The following EPB41L1 variants were observed in gnomAD, a reference collection of about 807,000 sequenced individuals.
The protein encoded by EPB41L1 is band 4.1-like protein 1.
In EPB41L1, 29 loss-of-function variants were observed where a neutral mutation model predicts 97.8. That is an observed-to-expected ratio of 0.30 (90% CI 0.22 to 0.40). The LOEUF (loss-of-function observed/expected upper bound fraction) is 0.40, where lower values mean the gene tolerates loss of function less well. EPB41L1 is among the 10% of genes least tolerant of loss of function. The probability of loss-of-function intolerance (pLI) is 1.00; values close to 1 mark genes in which losing one functional copy is unlikely to be tolerated. For synonymous variants in EPB41L1, 383 were observed against 459.2 expected (o/e 0.83, Z 2.12); for missense variants, 812 against 1,162.3 (o/e 0.70, Z 4.38).
At chr20:36,134,957 G>A (rs975121028) in intron 2 of EPB41L1, among the ~76,000 whole-genome samples, 27 of 146,036 alleles carry the variant, frequency 1.8e-4, no homozygotes, top group African/African-American at 6.9e-4. Context: ...TCCACCTCCT[G>A]GGTTCAAGTG....
intron 6 of EPB41L1, 21 bp from the exon 7 acceptor site, chr20:36,185,096 C>G (rs2061629567): frequency 6.2e-7 from 1 of 1,611,240 alleles, no homozygotes; most frequent in Admixed American, 1.7e-5. Context: ...TGTGCCCATG[C>G]TGGCTCTCCC....
chr20:36,140,351 A>G (rs546491605), intron 2 of EPB41L1, among the ~76,000 whole-genome samples: 126 of 151,846 alleles, frequency 8.3e-4, no homozygotes, highest in Non-Finnish European at 1.6e-3. Context: ...GATTACAGGC[A>G]TGAGCCACCG....
At position 36,157,226 on chromosome 20, in the gene EPB41L1, GA is replaced by G. The variant is rs907404717; in HGVS notation, c.-15+2339del. On this transcript the variant is annotated intron_variant, in intron 1 of 21. Transcript: ENST00000338074. Reference sequence around the variant, plus strand: ...AGACAGAGCGAGACTCCCTCTCAAAGAAAAAAAAAGGGCGGGGAGGATGATC... The same window carrying G: ...AGACAGAGCGAGACTCCCTCTCAAAGAAAAAAAAGGGCGGGGAGGATGATC... Among the ~76,000 whole-genome samples the G allele has an allele frequency of 1.3e-4, 19 of 149,848 alleles. 1 individual carries two copies. Among genetic ancestry groups the G allele is most frequent in the South Asian group, 8.5e-4 (4 of 4,722 alleles).
At chr20:36,115,277 A>G (rs1435236622) in intron 2 of EPB41L1, among the ~76,000 whole-genome samples, 1 of 152,144 alleles carries the variant, frequency 6.6e-6, no homozygotes, top group Non-Finnish European at 1.5e-5. Context: ...CCATGCTCTG[A>G]CTATTGCATC....
At chr20:36,191,408 A>G (rs1268185926) in intron 11 of EPB41L1, among the ~76,000 whole-genome samples, 1 of 152,120 alleles carries the variant, frequency 6.6e-6, no homozygotes, top group Non-Finnish European at 1.5e-5. Context: ...CTTAACATCA[A>G]TGAAAACTGG....
chr20:36,215,051 A>T (rs2063361312), intron 17 of EPB41L1, among the ~76,000 whole-genome samples: 1 of 150,460 alleles, frequency 6.6e-6, no homozygotes, highest in African/African-American at 2.5e-5. Flanking sequence ...CCCCGGCAAC[A>T]CTAGATCCCT....
At chr20:36,112,994 G>C (rs1040777359) in intron 2 of EPB41L1, among the ~76,000 whole-genome samples, 1 of 152,202 alleles carries the variant, frequency 6.6e-6, no homozygotes, top group Non-Finnish European at 1.5e-5. Context: ...TTTCCAGCAG[G>C]GAACTCTCCT....
intron 17 of EPB41L1, among the ~76,000 whole-genome samples, chr20:36,217,110 T>A (rs1266422524): frequency 6.6e-6 from 1 of 152,056 alleles, no homozygotes; most frequent in Non-Finnish European, 1.5e-5. Context: ...AACAGAGTGA[T>A]GGGGGAAAGT....
chr20:36,179,572 A>G (rs6060844), intron 5 of EPB41L1, among the ~76,000 whole-genome samples: 8,806 of 152,248 alleles, frequency 0.058, 561 homozygotes, highest in African/African-American at 0.15. Flanking sequence ...GCAGCTCCCA[A>G]ATGGCAGAAG....
intron 1 of EPB41L1, among the ~76,000 whole-genome samples, chr20:36,102,373 C>T (rs1030982797): frequency 2.0e-5 from 3 of 152,172 alleles, no homozygotes; most frequent in Admixed American, 1.3e-4. Context: ...GGTTGTTTTG[C>T]GCAGTTGGAG....
intron 21 of EPB41L1, among the ~76,000 whole-genome samples, chr20:36,225,651 C>G (rs756424230): frequency 6.6e-6 from 1 of 152,166 alleles, no homozygotes; most frequent in Non-Finnish European, 1.5e-5. Flanking sequence ...GAGCGAGCCC[C>G]CTTCCAATTA....
chr20:36,156,245 C>T (rs569989994), intron 1 of EPB41L1, among the ~76,000 whole-genome samples: 5 of 152,212 alleles, frequency 3.3e-5, no homozygotes, highest in Non-Finnish European at 5.9e-5. Flanking sequence ...GCATGCAGAG[C>T]ACAGTCCCTG....
At chr20:36,120,630 C>T (rs562974854) in intron 2 of EPB41L1, among the ~76,000 whole-genome samples, 4 of 152,232 alleles carry the variant, frequency 2.6e-5, no homozygotes, top group East Asian at 3.9e-4. Flanking sequence ...TTTCTCCTAC[C>T]GACCACCCCA....
intron 9 of EPB41L1, 93 bp downstream of exon 9, chr20:36,188,592 A>G: frequency 4.5e-6 from 2 of 440,678 alleles, no homozygotes; most frequent in Non-Finnish European, 8.4e-6. Context: ...ACACACACAC[A>G]CACACACACA....
At chr20:36,194,540 G>C (rs959180222) in intron 12 of EPB41L1, among the ~76,000 whole-genome samples, 180 bp downstream of exon 12, 1 of 152,198 alleles carries the variant, frequency 6.6e-6, no homozygotes, top group African/African-American at 2.4e-5. Context: ...GCCGGGATGG[G>C]GTGGGCATGG....
At chr20:36,216,050 G>T (rs1169401242) in intron 17 of EPB41L1, among the ~76,000 whole-genome samples, 4 of 152,172 alleles carry the variant, frequency 2.6e-5, no homozygotes, top group Non-Finnish European at 5.9e-5. Context: ...AGCAATCTGT[G>T]CAAAGCCCTG....
intron 1 of EPB41L1, among the ~76,000 whole-genome samples, chr20:36,095,351 G>A (rs1298925051): frequency 1.3e-5 from 2 of 151,782 alleles, no homozygotes; most frequent in African/African-American, 4.8e-5. Flanking sequence ...CAAGGGATCT[G>A]CCTGCCTCCG....
intron 19 of EPB41L1, 34 bp downstream of exon 19, chr20:36,219,878 C>T (rs1317710819): frequency 7.0e-6 from 11 of 1,578,160 alleles, no homozygotes; most frequent in South Asian, 5.5e-5. Flanking sequence ...TGCCCCCAGC[C>T]GAGCTGCAGG....
intron 17 of EPB41L1, among the ~76,000 whole-genome samples, chr20:36,218,369 T>C (rs2063566403): frequency 6.6e-6 from 1 of 152,244 alleles, no homozygotes; most frequent in Non-Finnish European, 1.5e-5. Context: ...TATTATATTC[T>C]AAATAGCCAG....
Sources: allele counts gnomAD v4.1 joint callset (sites outside exome capture counted in the v4.1 genomes callset), GRCh38; gene constraint gnomAD v4.1.1; transcripts MANE v1.5; gene names NCBI Gene and HGNC (gene_info 2026-07-23, HGNC 2026-07-21).